The following NHSL2 variants were observed in gnomAD, a reference collection of about 807,000 sequenced individuals.
NHSL2 encodes NHS like 2, also known as NHS-like protein 2.
A neutral mutation model predicts 53.4 loss-of-function variants in NHSL2; 27 were observed. That is an observed-to-expected ratio of 0.51 (90% CI 0.37 to 0.70). NHSL2 has a LOEUF of 0.70. Ranked by LOEUF, NHSL2 falls within the 30% of genes least tolerant of loss-of-function variation. The pLI, the probability that NHSL2 is intolerant of heterozygous loss-of-function variation, is 0.00. For missense variants in NHSL2, 892 were observed against 980.1 expected (o/e 0.91, Z 1.20); for synonymous variants, 408 against 404.1 (o/e 1.01, Z -0.12).
intron 1 of NHSL2, among the ~76,000 whole-genome samples, chrX:71,917,928 G>T (rs747553648): frequency 8.9e-6 from 1 of 111,936 alleles, no homozygotes; most frequent in African/African-American, 3.3e-5. Flanking sequence ...CTGTTTGTTC[G>T]TCAGGGAGTT....
At chrX:72,019,011 C>T (rs764529918) in intron 1 of NHSL2, among the ~76,000 whole-genome samples, 35 of 112,703 alleles carry the variant, frequency 3.1e-4, no homozygotes, top group Non-Finnish European at 5.3e-4. Context: ...CTTGATCGCC[C>T]CAAGCTTTTG....
Position 71,935,020 on chromosome X carries a change from G to A in NHSL2, c.280+23653G>A, listed in dbSNP as rs766757227. ...GCAGGACCGTTTTTTTGTTTTTCAGGCAAGCTGTTCAGTAAAGGACACTCA... is the reference window on the plus strand; with the variant it reads ...GCAGGACCGTTTTTTTGTTTTTCAGACAAGCTGTTCAGTAAAGGACACTCA... On this transcript the variant is annotated intron_variant, in intron 1 of 7. Coordinates refer to ENST00000633930, the MANE Select transcript of NHSL2 (RefSeq NM_001013627.3). 1.1e-4 allele frequency among the ~76,000 whole-genome samples: 12 copies of A among 110,588 alleles called. No homozygotes were observed. In the South Asian group the frequency reaches 4.3e-3, roughly 40 times the overall value.
At chrX:72,026,002 C>T (rs2042183616) in intron 1 of NHSL2, among the ~76,000 whole-genome samples, 1 of 112,508 alleles carries the variant, frequency 8.9e-6, no homozygotes, top group South Asian at 3.6e-4. Flanking sequence ...GCACTTGGCA[C>T]TGTGCCTTGA....
chrX:72,101,934 A>G (rs915075730), intron 1 of NHSL2, among the ~76,000 whole-genome samples: 2 of 111,636 alleles, frequency 1.8e-5, no homozygotes, highest in Admixed American at 9.5e-5. Flanking sequence ...TCCCATGCAC[A>G]TGGTGATCTC....
Position 72,132,130 on chromosome X carries a change from C to A in NHSL2, c.332C>A (p.Ser111Ter). The A allele has an allele frequency of 8.6e-7, 1 of 1,166,485 alleles. No homozygotes were observed. Among genetic ancestry groups the A allele is most frequent in the Non-Finnish European group, 1.1e-6 (1 of 872,130 alleles). The change falls in exon 2 of 8, where the codon TCG becomes TAG. Residue 111 changes from serine (S) to a stop codon, truncating the protein, a stop_gained. Coordinates refer to ENST00000633930, the MANE Select transcript of NHSL2 (RefSeq NM_001013627.3). LOFTEE classifies it high-confidence loss of function. ...GCGACAGCGACTGCCCACTCGAGGT[C>A]GTCATGGCGACAGCCAGTGAACGTG... Reference protein sequence around the residue: ...ENATATAHSRSSWRQPVNVFL... With the variant: ...ENATATAHSR
intron 1 of NHSL2, among the ~76,000 whole-genome samples, chrX:72,003,125 T>A (rs185550616): frequency 9.1e-6 from 1 of 110,302 alleles, no homozygotes; most frequent in Non-Finnish European, 1.9e-5. Flanking sequence ...CAGAAAGGAA[T>A]GTGAGTGCCA....
chrX:72,107,860 A>G (rs143193845), intron 1 of NHSL2, among the ~76,000 whole-genome samples: 5,983 of 111,781 alleles, frequency 0.054, 406 homozygotes, highest in African/African-American at 0.19. Context: ...GGCAGGGGCC[A>G]GAATGGGAAG....
chrX:72,113,963 C>T (rs1253134077), intron 1 of NHSL2, among the ~76,000 whole-genome samples: 2 of 112,142 alleles, frequency 1.8e-5, no homozygotes, highest in Admixed American at 1.9e-4. Context: ...TGCCCACAGG[C>T]TTCTGAGTCT....
At chrX:71,974,453 A>T (rs1340459384) in intron 1 of NHSL2, among the ~76,000 whole-genome samples, 4 of 112,479 alleles carry the variant, frequency 3.6e-5, no homozygotes, top group Admixed American at 2.8e-4. Flanking sequence ...AAGGGGAAAC[A>T]GTAGTAATTA....
At chrX:71,934,591 T>C (rs762055352) in intron 1 of NHSL2, among the ~76,000 whole-genome samples, 4 of 111,899 alleles carry the variant, frequency 3.6e-5, no homozygotes, top group African/African-American at 1.3e-4. Flanking sequence ...TTAACGTTTT[T>C]AAAAGATCCC....
chrX:72,068,513 G>C (rs56055616), intron 1 of NHSL2, among the ~76,000 whole-genome samples: 10,017 of 112,017 alleles, frequency 0.089, 463 homozygotes, highest in African/African-American at 0.17. Context: ...TGGCAGAGTT[G>C]GTTCCAGGAG....
intron 1 of NHSL2, among the ~76,000 whole-genome samples, chrX:71,937,142 G>C (rs2041742928): frequency 8.9e-6 from 1 of 112,162 alleles, no homozygotes; most frequent in Non-Finnish European, 1.9e-5. Context: ...CAGTTGAGGA[G>C]TTACAGGTGG....
At chrX:71,972,681 TG>T (rs1286070825) in intron 1 of NHSL2, among the ~76,000 whole-genome samples, 1 of 112,204 alleles carries the variant, frequency 8.9e-6, no homozygotes, top group Non-Finnish European at 1.9e-5. Context: ...TTGAGTTGTT[TG>T]AAGCCAGTAT....
At position 72,150,822 on chromosome X, in the gene NHSL2, C is replaced by G. The variant is rs1305328157; in HGVS notation, c.*7248C>G. ...CTGGACTTCCTCTCGTTTCTCTTTT[C>G]GAGGATGCTTAGAGGCTTCTCACCA... On this transcript the variant is annotated 3_prime_UTR_variant, in exon 8 of 8. Transcript: ENST00000633930. 2.7e-5 allele frequency: 3 copies of G among 111,933 alleles called. No individual in the cohort carries two copies. The East Asian group carries it at 8.4e-4, about 31-fold the overall frequency. 9.2% of individuals were successfully genotyped at this position (111,933 alleles called of 1,213,427 possible). A position where few individuals can be genotyped will look rare whatever the true frequency, so the allele number is the denominator to read the frequency against.
At chrX:71,969,358 G>A (rs1345482852) in intron 1 of NHSL2, among the ~76,000 whole-genome samples, 1 of 100,723 alleles carries the variant, frequency 9.9e-6, no homozygotes, top group Non-Finnish European at 2.0e-5. Context: ...TGTTGCCCAG[G>A]CTGGAGTGCA....
chrX:71,934,585 C>T (rs776983043), intron 1 of NHSL2, among the ~76,000 whole-genome samples: 56 of 111,667 alleles, frequency 5.0e-4, no homozygotes, highest in Middle Eastern at 4.6e-3. Flanking sequence ...TCTGACTTAA[C>T]GTTTTTAAAA....
intron 1 of NHSL2, chrX:72,131,386 C>A (rs753008667): frequency 8.3e-7 from 1 of 1,211,254 alleles, no homozygotes; most frequent in East Asian, 3.0e-5. Context: ...GCGGATGTAG[C>A]TGGAGACATT....
chrX:72,066,363 G>A (rs981416025), intron 1 of NHSL2, among the ~76,000 whole-genome samples: 2 of 111,485 alleles, frequency 1.8e-5, no homozygotes, highest in Admixed American at 1.9e-4. Flanking sequence ...ATAGACGGGG[G>A]TCCAAAACCT....
At chrX:72,124,748 CACTT>C (rs1432371156) in intron 1 of NHSL2, among the ~76,000 whole-genome samples, 2 of 111,793 alleles carry the variant, frequency 1.8e-5, no homozygotes, top group African/African-American at 6.5e-5. Context: ...TTGGTTTCCT[CACTT>C]ACAGAATGAA....
Sources: allele counts gnomAD v4.1 joint callset (sites outside exome capture counted in the v4.1 genomes callset), GRCh38; gene constraint gnomAD v4.1.1; transcripts MANE v1.5; gene names NCBI Gene and HGNC (gene_info 2026-07-23, HGNC 2026-07-21).